Variants in INPP4B observed in about 807,000 individuals in gnomAD.
INPP4B encodes the protein inositol polyphosphate 4-phosphatase type II.
A neutral mutation model predicts 122.5 loss-of-function variants in INPP4B; 55 were observed. That is an observed-to-expected ratio of 0.45 (90% CI 0.36 to 0.56). The LOEUF (loss-of-function observed/expected upper bound fraction) is 0.56, where lower values mean the gene tolerates loss of function less well. Ranked by LOEUF, INPP4B falls within the 20% of genes least tolerant of loss-of-function variation. The pLI is 0.00. For synonymous variants in INPP4B, 403 were observed against 388.7 expected (o/e 1.04, Z -0.43); for missense variants, 1,000 against 1,097.7 (o/e 0.91, Z 1.26).
intron 2 of INPP4B, among the ~76,000 whole-genome samples, chr4:142,569,727 T>C (rs182417192): frequency 9.9e-5 from 15 of 152,280 alleles, no homozygotes; most frequent in Admixed American, 9.8e-4. Context: ...AAATTCGCAT[T>C]CTGATAGCTC....
chr4:142,713,830 A>G (rs1162865426), intron 2 of INPP4B, among the ~76,000 whole-genome samples: 1 of 152,184 alleles, frequency 6.6e-6, no homozygotes, highest in Non-Finnish European at 1.5e-5. Flanking sequence ...CAATCTGTCT[A>G]AACAAATGCT....
chr4:142,693,956 T>C (rs779519378), intron 2 of INPP4B, among the ~76,000 whole-genome samples: 1 of 152,158 alleles, frequency 6.6e-6, no homozygotes, highest in African/African-American at 2.4e-5. Context: ...TGTGTCTATA[T>C]GTCTACTTAA....
chr4:142,261,030 C>G (rs987060288), intron 10 of INPP4B, among the ~76,000 whole-genome samples: 2 of 152,172 alleles, frequency 1.3e-5, no homozygotes, highest in Non-Finnish European at 2.9e-5. Flanking sequence ...TTGCCTCCAG[C>G]AAAACAACGC....
chr4:142,334,256 T>C (rs779468286), intron 7 of INPP4B, among the ~76,000 whole-genome samples: 1 of 152,230 alleles, frequency 6.6e-6, no homozygotes, highest in Non-Finnish European at 1.5e-5. Flanking sequence ...CACATACATA[T>C]ACTTGTATGA....
rs953379613 is a variant in INPP4B at position 142,369,885 on chromosome 4, G to A, written c.372+33053C>T. Among the ~76,000 whole-genome samples, 7 of 150,114 alleles carry A rather than the reference G, an allele frequency of 4.7e-5. No individual in the cohort carries two copies. In the East Asian group the frequency reaches 7.8e-4, roughly 17 times the overall value. On this transcript the variant is annotated intron_variant, in intron 7 of 25. Transcript: ENST00000262992. Reference sequence around the variant, plus strand: ...GACGGAGGTTCCAGTGAGCCAACACGGTGCCACTGCACTCCAGGCCTGAGG... The same window carrying A: ...GACGGAGGTTCCAGTGAGCCAACACAGTGCCACTGCACTCCAGGCCTGAGG...
At chr4:142,781,058 A>G (rs1774739439) in intron 1 of INPP4B, among the ~76,000 whole-genome samples, 1 of 152,206 alleles carries the variant, frequency 6.6e-6, no homozygotes, top group Admixed American at 6.5e-5. Flanking sequence ...GCGGTTCTTT[A>G]GGTACATGCG....
At chr4:142,435,797 T>A (rs1238156930) in intron 3 of INPP4B, among the ~76,000 whole-genome samples, 1 of 152,288 alleles carries the variant, frequency 6.6e-6, no homozygotes, top group South Asian at 2.1e-4. Context: ...TTCCCACTCA[T>A]GAACCCATGC....
At chr4:142,108,040 A>C in intron 23 of INPP4B, 53 bp downstream of exon 23, 1 of 941,132 alleles carries the variant, frequency 1.1e-6, no homozygotes. Flanking sequence ...CCTCTTCTAA[A>C]GATTTATAAT....
chr4:142,496,131 A>G (rs1317265688), intron 2 of INPP4B, among the ~76,000 whole-genome samples: 5 of 152,286 alleles, frequency 3.3e-5, no homozygotes, highest in African/African-American at 9.6e-5. Context: ...TCTACTTTGA[A>G]GCAGAAGTTT....
chr4:142,632,682 T>C (rs1389901125), intron 2 of INPP4B, among the ~76,000 whole-genome samples: 1 of 152,010 alleles, frequency 6.6e-6, no homozygotes, highest in Admixed American at 6.6e-5. Flanking sequence ...TAATAGCATA[T>C]ACTAAAAGGC....
chr4:142,738,397 G>C (rs1464876913), intron 1 of INPP4B, among the ~76,000 whole-genome samples: 1 of 152,046 alleles, frequency 6.6e-6, no homozygotes, highest in Non-Finnish European at 1.5e-5. Context: ...CTCATAGGTG[G>C]GAATTGAACA....
chr4:142,058,138 TTCTC>T (rs1421857788), intron 25 of INPP4B, among the ~76,000 whole-genome samples: 2 of 152,166 alleles, frequency 1.3e-5, no homozygotes, highest in African/African-American at 4.8e-5. Context: ...CTAAGTGCTG[TTCTC>T]TCTAACAGTA....
intron 12 of INPP4B, among the ~76,000 whole-genome samples, chr4:142,214,797 C>T (rs1347374492): frequency 6.6e-6 from 1 of 152,206 alleles, no homozygotes; most frequent in Non-Finnish European, 1.5e-5. Context: ...AGGTGATCCA[C>T]CCGTCTCAGC....
intron 2 of INPP4B, among the ~76,000 whole-genome samples, chr4:142,704,088 A>C (rs772213732): frequency 1.2e-3 from 182 of 152,324 alleles, no homozygotes; most frequent in Non-Finnish European, 1.9e-3. Flanking sequence ...TCAAGGCCTC[A>C]CCAGCAACAC....
intron 1 of INPP4B, among the ~76,000 whole-genome samples, chr4:142,842,116 GA>G (rs1183327325): frequency 1.3e-5 from 2 of 151,634 alleles, no homozygotes; most frequent in Non-Finnish European, 1.5e-5. Context: ...CACATGATTT[GA>G]AAAACTTCTC....
At chr4:142,206,766 C>G (rs1366206847) in intron 14 of INPP4B, among the ~76,000 whole-genome samples, 1 of 152,052 alleles carries the variant, frequency 6.6e-6, no homozygotes. Flanking sequence ...GTCTTACTCT[C>G]TTTAATATTA....
intron 2 of INPP4B, among the ~76,000 whole-genome samples, chr4:142,655,892 A>T (rs1560927409): frequency 6.6e-6 from 1 of 152,238 alleles, no homozygotes; most frequent in African/African-American, 2.4e-5. Context: ...TAGTTAGATG[A>T]CTAATACCAT....
chr4:142,404,328 G>A (rs1707656627), intron 6 of INPP4B, among the ~76,000 whole-genome samples: 1 of 152,132 alleles, frequency 6.6e-6, no homozygotes, highest in South Asian at 2.1e-4. Flanking sequence ...AGGCTAGTTA[G>A]GTTCTTACAG....
At chr4:142,038,422 G>T (rs1200740925) in intron 25 of INPP4B, among the ~76,000 whole-genome samples, 1 of 152,188 alleles carries the variant, frequency 6.6e-6, no homozygotes, top group Non-Finnish European at 1.5e-5. Context: ...CAGTGTCACT[G>T]CTTTGAACAT....
Sources: allele counts gnomAD v4.1 joint callset (sites outside exome capture counted in the v4.1 genomes callset), GRCh38; gene constraint gnomAD v4.1.1; transcripts MANE v1.5; gene names NCBI Gene and HGNC (gene_info 2026-07-23, HGNC 2026-07-21).